CLK3: variants seen among roughly 807,000 people sequenced by gnomAD.
CLK3 encodes dual specificity protein kinase CLK3.
CLK3 carries 24 observed loss-of-function variants against 65.2 expected under a neutral mutation model. That is an observed-to-expected ratio of 0.37 (90% CI 0.27 to 0.52). CLK3 has a LOEUF of 0.52. Among genes scored for constraint, CLK3 ranks in the 20% least tolerant of loss-of-function variants. The pLI is 0.92. For synonymous variants in CLK3, 252 were observed against 240.8 expected, an observed-to-expected ratio of 1.05 and a Z score of -0.43; for missense variants, 506 against 660.0, an observed-to-expected ratio of 0.77 and a Z score of 2.56.
At position 74,629,909 on chromosome 15, in the gene CLK3, A is replaced by T; in HGVS notation, c.*26A>T. On this transcript the variant is annotated 3_prime_UTR_variant, in exon 13 of 13. Coordinates refer to ENST00000395066, the MANE Select transcript of CLK3 (RefSeq NM_001130028.2). Reference sequence around the variant, plus strand: ...CAGGCACAGGCCACCGCATGAGGAGATGGAGGGCGGGACTGGGCCGCCCAG... The same window carrying T: ...CAGGCACAGGCCACCGCATGAGGAGTTGGAGGGCGGGACTGGGCCGCCCAG... 6.3e-7 allele frequency: 1 copy of T among 1,590,704 alleles called. No homozygotes were observed. Among genetic ancestry groups the T allele is most frequent in the Non-Finnish European group, 8.6e-7 (1 of 1,168,678 alleles).
At chr15:74,615,262 G>C (rs1381472410), upstream of CLK3, 6 of 444,084 alleles carry the variant, frequency 1.4e-5, no homozygotes, top group African/African-American at 2.0e-5. Flanking sequence ...AGTAGCTCTA[G>C]GGTATCTTCC....
chr15:74,628,569 A>ACTGACCC (rs1567145645), intron 10 of CLK3, 35 bp from the exon 11 acceptor site: 1 of 1,506,100 alleles, frequency 6.6e-7, no homozygotes, highest in East Asian at 2.3e-5. Context: ...CAGAGCTAGT[A>ACTGACCC]CTGACCCCCT....
upstream of CLK3, among the ~76,000 whole-genome samples, chr15:74,610,997 T>C (rs2061982564): frequency 6.6e-6 from 1 of 152,170 alleles, no homozygotes; most frequent in African/African-American, 2.4e-5. Context: ...CCTGTTTCAC[T>C]CGGGGAGATT....
In CLK3 at chr15:74,621,745, C is replaced by CGGA. The variant is rs148967207; in HGVS notation, c.370-360_370-358dup. The CGGA allele has an allele frequency of 1.9e-3, 661 of 354,184 alleles. 6 individuals carry two copies. Among genetic ancestry groups the CGGA allele is most frequent in the African/African-American group, 2.5e-3 (119 of 46,790 alleles). 21.9% of individuals were successfully genotyped at this position (354,184 alleles called of 1,614,324 possible). A position where few individuals can be genotyped will look rare whatever the true frequency, so the allele number is the denominator to read the frequency against. On this transcript the variant is annotated intron_variant, in intron 3 of 12. Coordinates refer to ENST00000395066, the MANE Select transcript of CLK3 (RefSeq NM_001130028.2). This position sits in a 1 kb window ranked among gnomAD's most constrained non-coding sequence, Gnocchi z 4.8. ...TGGGAGGGTCTGGGAGGGAGAGACTCGGAGGAGGAGGAGGAGGGAGTCGGG... is the reference window on the plus strand; with the variant it reads ...TGGGAGGGTCTGGGAGGGAGAGACTCGGAGGAGGAGGAGGAGGAGGGAGTCGGG...
chr15:74,629,362 G>A (rs968939912), intron 12 of CLK3: 8 of 529,848 alleles, frequency 1.5e-5, no homozygotes, highest in Admixed American at 3.2e-5. Flanking sequence ...GTGAGGGGGA[G>A]GGAAGACCTA....
chr15:74,629,002 G>T lies in CLK3; in HGVS notation c.1266G>T (p.Arg422=). The change falls in exon 12 of 13, where the codon CGG becomes CGT. Residue 422 remains arginine (R), a synonymous_variant. Coordinates refer to ENST00000395066, the MANE Select transcript of CLK3 (RefSeq NM_001130028.2). ...LVWDENSSDG[R]YVKENCKPLK... ...GGGATGAGAACAGCTCTGACGGCCG[G>T]TATGTGAAGGAGAACTGCAAACCTC... 2 of 1,613,998 alleles carry T rather than the reference G, an allele frequency of 1.2e-6. No homozygotes were observed. Among genetic ancestry groups the T allele is most frequent in the Non-Finnish European group, 1.7e-6 (2 of 1,179,854 alleles).
At chr15:74,612,951 C>T (rs1343038731), upstream of CLK3, among the ~76,000 whole-genome samples, 3 of 152,214 alleles carry the variant, frequency 2.0e-5, no homozygotes, top group East Asian at 5.8e-4. Context: ...GGCTCATGGT[C>T]CACAGAATGG....
chr15:74,619,940 TACC>T (rs1378055384), intron 2 of CLK3, 66 bp from the exon 3 acceptor site: 2 of 1,606,400 alleles, frequency 1.2e-6, no homozygotes, highest in Non-Finnish European at 1.7e-6. Flanking sequence ...ACAGTGGCCT[TACC>T]ACAGGTCTCT....
At chr15:74,612,764 C>T (rs1449286358), upstream of CLK3, among the ~76,000 whole-genome samples, 6 of 152,238 alleles carry the variant, frequency 3.9e-5, no homozygotes, top group Admixed American at 3.9e-4. Flanking sequence ...CCACACAAGG[C>T]TTCTCTAAGA....
Position 74,624,766 on chromosome 15 carries a change from GCA to G in CLK3, c.534-135_534-134del, listed in dbSNP as rs2141547845. 1 of 664,774 alleles carries G rather than the reference GCA, an allele frequency of 1.5e-6. No individual in the cohort carries two copies. The highest frequency in any genetic ancestry group is 2.8e-6 in the Non-Finnish European group (1 of 362,014). The allele number at this position is 664,774 out of a possible 1,614,324, so 41.2% of individuals were successfully genotyped here. A position where few individuals can be genotyped will look rare whatever the true frequency, so the allele number is the denominator to read the frequency against. On this transcript the variant is annotated intron_variant, in intron 5 of 12. Coordinates refer to ENST00000395066, the MANE Select transcript of CLK3 (RefSeq NM_001130028.2). This position sits in a 1 kb window ranked among gnomAD's most constrained non-coding sequence, Gnocchi z 4.2. ...TCTGGTGTTGCATGGGGCAGGCTGG[GCA>G]TCCAGTATCTGCTCTCTTCAGTGCC...
rs1338166077 is a variant in CLK3 at position 74,628,983 on chromosome 15, A to G, written c.1247A>G (p.Glu416Gly). 1 of 1,614,104 alleles carries G rather than the reference A, an allele frequency of 6.2e-7. No individual in the cohort carries two copies. Among genetic ancestry groups the G allele is most frequent in the South Asian group, 1.1e-5 (1 of 91,092 alleles). ...TACAAAGGGGGCCTAGTTTGGGATG[A>G]GAACAGCTCTGACGGCCGGTATGTG... The part of the protein sequence containing the change: ...YFYKGGLVWD[E>G]NSSDGRYVKE... The change falls in exon 12 of 13, where the codon GAG becomes GGG. Residue 416 changes from glutamate (E) to glycine (G), a missense_variant. Around this residue, in one of 2 missense-constraint regions of CLK3, gnomAD observed 325 missense variants for 500.5 expected, o/e 0.65. Transcript: ENST00000395066.
In CLK3 at chr15:74,622,101, C is replaced by T. The variant is rs769684631; in HGVS notation, c.370-19C>T. ...CCATGCGATTGGTCGGATGGCGTTT[C>T]GGGGGGCGGTGCATGCAGAGAAGCC... On this transcript the variant is annotated intron_variant, in intron 3 of 12. Transcript: ENST00000395066. This position sits in a 1 kb window ranked among gnomAD's most constrained non-coding sequence, Gnocchi z 4.6. 1.2e-6 allele frequency: 2 copies of T among 1,612,620 alleles called. No individual in the cohort carries two copies. Among genetic ancestry groups the T allele is most frequent in the African/African-American group, 1.3e-5 (1 of 74,994 alleles).
chr15:74,625,877 C>T lies in CLK3; in HGVS notation c.726C>T (p.Asn242=), dbSNP rs757120100. 2 of 1,614,150 alleles carry T rather than the reference C, an allele frequency of 1.2e-6. No homozygotes were observed. The highest frequency in any genetic ancestry group is 2.2e-5 in the East Asian group (1 of 44,886). The part of the protein sequence containing the change: ...MCIAFELLGK[N]TFEFLKENNF... ...TCGCCTTTGAGCTCCTGGGCAAGAACACCTTTGAGTTCCTGAAGGAGAATA... is the reference window on the plus strand; with the variant it reads ...TCGCCTTTGAGCTCCTGGGCAAGAATACCTTTGAGTTCCTGAAGGAGAATA... The change falls in exon 7 of 13, where the codon AAC becomes AAT. Residue 242 remains asparagine, a synonymous_variant. Coordinates refer to ENST00000395066, the MANE Select transcript of CLK3 (RefSeq NM_001130028.2).
In CLK3 at chr15:74,630,083, A is replaced by T. The variant is rs755958392; in HGVS notation, c.*200A>T. ...ATTTGACCCAAGCTATTTATATGTTATAAAGTTATAATAAAGTGTTTCTTA... is the reference window on the plus strand; with the variant it reads ...ATTTGACCCAAGCTATTTATATGTTTTAAAGTTATAATAAAGTGTTTCTTA... On this transcript the variant is annotated 3_prime_UTR_variant, in exon 13 of 13. Transcript: ENST00000395066. 3 of 562,532 alleles carry T rather than the reference A, an allele frequency of 5.3e-6. No homozygotes were observed. Among genetic ancestry groups the T allele is most frequent in the Non-Finnish European group, 9.5e-6 (3 of 317,076 alleles). 34.8% of individuals were successfully genotyped at this position (562,532 alleles called of 1,614,324 possible). A position where few individuals can be genotyped will look rare whatever the true frequency, so the allele number is the denominator to read the frequency against.
upstream of CLK3, chr15:74,615,704 G>T: frequency 8.1e-7 from 1 of 1,238,856 alleles, no homozygotes; most frequent in Non-Finnish European, 1.0e-6. Flanking sequence ...CCGCCGGAGC[G>T]GAGAGGGCTG....
At chr15:74,615,401 G>C (rs1008363929), upstream of CLK3, 3 of 1,240,006 alleles carry the variant, frequency 2.4e-6, no homozygotes, top group African/African-American at 4.7e-5. Context: ...GCCTTCCCGA[G>C]CTCCGGCACA....
In CLK3 at chr15:74,630,096, A is replaced by G. The variant is rs1370602076; in HGVS notation, c.*213A>G. On this transcript the variant is annotated 3_prime_UTR_variant, in exon 13 of 13. Transcript: ENST00000395066. Reference sequence around the variant, plus strand: ...TATTTATATGTTATAAAGTTATAATAAAGTGTTTCTTACTGTTTGTAACCC... The same window carrying G: ...TATTTATATGTTATAAAGTTATAATGAAGTGTTTCTTACTGTTTGTAACCC... 2 of 536,730 alleles carry G rather than the reference A, an allele frequency of 3.7e-6. No homozygotes were observed. Among genetic ancestry groups the G allele is most frequent in the East Asian group, 5.8e-5 (2 of 34,546 alleles). The allele number at this position is 536,730 out of a possible 1,614,324, so 33.2% of individuals were successfully genotyped here.
rs778298698 is a variant in CLK3 at position 74,620,156 on chromosome 15, A to C, written c.300A>C (p.Pro100=). 1.2e-6 allele frequency: 2 copies of C among 1,614,096 alleles called. No individual in the cohort carries two copies. Among genetic ancestry groups the C allele is most frequent in the Non-Finnish European group, 1.7e-6 (2 of 1,180,040 alleles). The change falls in exon 3 of 13, where the codon CCA becomes CCC. Residue 100 remains proline, a synonymous_variant. Coordinates refer to ENST00000395066, the MANE Select transcript of CLK3 (RefSeq NM_001130028.2). ...RHRRRSRERG[P]YRTRKHAHHC... Reference sequence around the variant, plus strand: ...GTCGGCGATCGCGGGAGAGGGGGCCATACCGGACCCGCAAGCATGCCCACC... The same window carrying C: ...GTCGGCGATCGCGGGAGAGGGGGCCCTACCGGACCCGCAAGCATGCCCACC...
chr15:74,629,763 G>A lies in CLK3; in HGVS notation c.1353G>A (p.Arg451=). ...TGCAGCTGTTTGACCTGATGAGGAG[G>A]ATGTTAGAATTTGACCCTGCCCAGC... ...EHVQLFDLMR[R]MLEFDPAQRI... The change falls in exon 13 of 13, where the codon AGG becomes AGA. Residue 451 remains arginine (R), a synonymous_variant. Transcript: ENST00000395066. The A allele has an allele frequency of 1.9e-6, 3 of 1,613,526 alleles. No individual in the cohort carries two copies. The highest frequency in any genetic ancestry group is 2.5e-6 in the Non-Finnish European group (3 of 1,179,762).
Sources: gnomAD v4.1 joint callset for allele counts (sites outside exome capture counted in the v4.1 genomes callset) on GRCh38, gnomAD v4.1.1 for gene constraint, gnomAD v4.1.1 regional missense constraint, Gnocchi (gnomAD v3.1) non-coding constraint, MANE v1.5 for transcripts, NCBI Gene and HGNC (gene_info 2026-07-23, HGNC 2026-07-21) for gene names.